Variants in MED13 observed in about 807,000 individuals in gnomAD.
MED13 encodes the protein mediator complex subunit 13.
MED13 carries 23 observed loss-of-function variants against 225.2 expected under a neutral mutation model. The observed-to-expected ratio is 0.10, with a 90% confidence interval of 0.07 to 0.14. MED13 has a LOEUF of 0.14. Among genes scored for constraint, MED13 ranks in the 10% least tolerant of loss-of-function variants. The probability of loss-of-function intolerance (pLI) is 1.00; values close to 1 mark genes in which losing one functional copy is unlikely to be tolerated. For missense variants in MED13, 2,197 were observed against 2,594.5 expected, an observed-to-expected ratio of 0.85 and a Z score of 3.33; for synonymous variants, 942 against 889.2, an observed-to-expected ratio of 1.06 and a Z score of -1.06.
chr17:61,943,310 A>G lies in MED13; in HGVS notation c.*3158T>C, dbSNP rs1367759506. 1.2e-4 allele frequency: 18 copies of G among 152,632 alleles called. No homozygotes were observed. The highest frequency in any genetic ancestry group is 1.2e-3 in the Admixed American group (18 of 15,282). The allele number at this position is 152,632 out of a possible 1,614,324, so 9.5% of individuals were successfully genotyped here. A position where few individuals can be genotyped will look rare whatever the true frequency, so the allele number is the denominator to read the frequency against. ...TGAATAGCAAATTATATGATGCAAT[A>G]GCATTTAAAAACTTTTTAATCTATT... On this transcript the variant is annotated 3_prime_UTR_variant, in exon 30 of 30. Coordinates refer to ENST00000397786, the MANE Select transcript of MED13 (RefSeq NM_005121.3).
At chr17:62,060,038 T>C (rs1379040368) in intron 2 of MED13, among the ~76,000 whole-genome samples, 1 of 152,176 alleles carries the variant, frequency 6.6e-6, no homozygotes, top group East Asian at 1.9e-4. Context: ...ACGCCTGTAA[T>C]CCTAGCACTT....
chr17:62,044,851 A>C (rs1025329848), intron 3 of MED13, among the ~76,000 whole-genome samples: 8 of 152,142 alleles, frequency 5.3e-5, no homozygotes, highest in African/African-American at 1.9e-4. Flanking sequence ...TAGTAGAGAC[A>C]GGGTTTCACC....
chr17:62,015,938 ATATATATATATATATATTTTTTTTTTT>A (rs1328843322), intron 8 of MED13, among the ~76,000 whole-genome samples: 4 of 9,012 alleles, frequency 4.4e-4, no homozygotes, highest in South Asian at 8.9e-3. Flanking sequence ...ATATATATAT[ATATATATATATATATATTTTTTTTTTT>A]TTTTTTTTTT....
Position 61,983,096 on chromosome 17 carries a change from A to T in MED13, c.2907T>A (p.Asp969Glu). The T allele has an allele frequency of 6.2e-7, 1 of 1,609,368 alleles. No homozygotes were observed. ...FIKEGDGSNM[D>E]QEYGTAYTPQ... is the part of the protein sequence containing the mutation. Reference sequence around the variant, plus strand: ...GTGTATAAGCAGTGCCATATTCTTGATCCATATTACTTCCATCACTATCAT... The same window carrying T: ...GTGTATAAGCAGTGCCATATTCTTGTTCCATATTACTTCCATCACTATCAT... The change falls in exon 16 of 30, where the codon GAT (aspartate) becomes GAA (glutamate). Residue 969 changes from aspartate (D) to glutamate (E), a missense_variant. Physicochemically the swap from Asp to Glu is conservative, Grantham distance 45. Coordinates refer to ENST00000397786, the MANE Select transcript of MED13 (RefSeq NM_005121.3).
At chr17:62,018,103 A>C (rs1331146237) in intron 8 of MED13, among the ~76,000 whole-genome samples, 1 of 152,206 alleles carries the variant, frequency 6.6e-6, no homozygotes, top group East Asian at 1.9e-4. Context: ...TACTGCTAAT[A>C]CAGTTGGTAC....
intron 8 of MED13, among the ~76,000 whole-genome samples, chr17:62,028,057 A>G (rs2080719541): frequency 1.3e-5 from 2 of 152,196 alleles, no homozygotes; most frequent in Admixed American, 6.5e-5. Flanking sequence ...CTGGTTATAT[A>G]CCCAGGGAAT....
intron 27 of MED13, among the ~76,000 whole-genome samples, chr17:61,952,304 G>A (rs1041837983): frequency 6.6e-6 from 1 of 152,160 alleles, no homozygotes; most frequent in African/African-American, 2.4e-5. Flanking sequence ...GATAAAAAGG[G>A]GGAGTAGATG....
At chr17:61,997,893 C>T (rs539204058) in intron 9 of MED13, among the ~76,000 whole-genome samples, 1 of 152,196 alleles carries the variant, frequency 6.6e-6, no homozygotes, top group African/African-American at 2.4e-5. Flanking sequence ...AAAAAACCAA[C>T]TCTACTGCAC....
chr17:62,040,659 C>G (rs2080845303), intron 3 of MED13, among the ~76,000 whole-genome samples: 1 of 152,068 alleles, frequency 6.6e-6, no homozygotes, highest in African/African-American at 2.4e-5. Context: ...AATCATAATA[C>G]TAGTAAAGAG....
chr17:61,996,154 A>G (rs1335033702), intron 9 of MED13, among the ~76,000 whole-genome samples: 1 of 152,216 alleles, frequency 6.6e-6, no homozygotes, highest in Non-Finnish European at 1.5e-5. Context: ...CTAAGGATAA[A>G]AGAGGGATGC....
rs1470142866 is a variant in MED13, at chr17:61,943,856, G to C, written c.*2612C>G. ...TCATGGATACCTGCACAAAAAAAAA[G>C]ATGTTAGCACTGTAACAAAGAAGTC... On this transcript the variant is annotated 3_prime_UTR_variant, in exon 30 of 30. Transcript: ENST00000397786. The C allele has an allele frequency of 6.6e-6, 1 of 152,498 alleles. No homozygotes were observed. Among genetic ancestry groups the C allele is most frequent in the East Asian group, 1.9e-4 (1 of 5,196 alleles). 9.4% of individuals were successfully genotyped at this position (152,498 alleles called of 1,614,324 possible).
chr17:62,024,707 C>G (rs2080683643), intron 8 of MED13, among the ~76,000 whole-genome samples: 1 of 152,168 alleles, frequency 6.6e-6, no homozygotes, highest in Admixed American at 6.5e-5. Context: ...CTCCACTGGA[C>G]CCAGTGTCTG....
intron 16 of MED13, among the ~76,000 whole-genome samples, chr17:61,979,260 G>A (rs142720262): frequency 5.3e-5 from 8 of 152,164 alleles, no homozygotes; most frequent in Non-Finnish European, 1.0e-4. Flanking sequence ...ATTTTCAGAA[G>A]CCATATAACA....
At position 61,995,111 on chromosome 17, in the gene MED13, A is replaced by G. The variant is rs778273395; in HGVS notation, c.2181+41T>C. 2.1e-6 allele frequency: 3 copies of G among 1,407,452 alleles called. No individual in the cohort carries two copies. In the East Asian group the frequency reaches 6.8e-5, roughly 32 times the overall value. The allele number at this position is 1,407,452 out of a possible 1,614,324, so 87.2% of individuals were successfully genotyped here. On this transcript the variant is annotated intron_variant, in intron 10 of 29. Coordinates refer to ENST00000397786, the MANE Select transcript of MED13 (RefSeq NM_005121.3). ...GAGTGTTACTATATGCAGTGCTACA[A>G]AATCAACAGTGACCCTTTGGTGTAC...
chr17:61,945,439 T>G lies in MED13; in HGVS notation c.*1029A>C, dbSNP rs555909912. The G allele has an allele frequency of 2.6e-5, 4 of 152,668 alleles. No homozygotes were observed. The highest frequency in any genetic ancestry group is 5.9e-5 in the Non-Finnish European group (4 of 68,054). 9.5% of individuals were successfully genotyped at this position (152,668 alleles called of 1,614,324 possible). On this transcript the variant is annotated 3_prime_UTR_variant, in exon 30 of 30. Coordinates refer to ENST00000397786, the MANE Select transcript of MED13 (RefSeq NM_005121.3). The stretch of plus-strand genomic sequence containing the variant: ...GCCACTGTTAAAACTGAAAAAAATT[T>G]AAGCATGTAACATTAAACACTAAAA...
At chr17:62,003,599 C>CAAAAAAAAAAAAAAACAAAAAA (rs2080417386) in intron 9 of MED13, 1 of 51,744 alleles carries the variant, frequency 1.9e-5, no homozygotes, top group East Asian at 8.4e-4. Context: ...CAGCAAAACT[C>CAAAAAAAAAAAAAAACAAAAAA]AAAAAAAAAA....
intron 10 of MED13, among the ~76,000 whole-genome samples, chr17:61,994,143 C>T (rs879941659): frequency 1.3e-5 from 2 of 151,824 alleles, no homozygotes; most frequent in East Asian, 1.9e-4. Context: ...GGACTACAGG[C>T]GCCCGCCATC....
In MED13 at chr17:61,968,313, T is replaced by TTTTA. The variant is rs56707514; in HGVS notation, c.3968-59_3968-56dup. The TTTTA allele has an allele frequency of 7.1e-4, 825 of 1,165,330 alleles. 3 individuals are homozygous for TTTTA. Among genetic ancestry groups the TTTTA allele is most frequent in the African/African-American group, 5.3e-3 (339 of 63,380 alleles). The allele number at this position is 1,165,330 out of a possible 1,614,324, so 72.2% of individuals were successfully genotyped here. A position where few individuals can be genotyped will look rare whatever the true frequency, so the allele number is the denominator to read the frequency against. On this transcript the variant is annotated intron_variant, in intron 17 of 29. Transcript: ENST00000397786. ...CACTTAAAAACAAGACATGTCTCCTTTTTATTTATTTATTTATTTATTTAT... is the reference window on the plus strand; with the variant it reads ...CACTTAAAAACAAGACATGTCTCCTTTTTATTTATTTATTTATTTATTTATTTAT...
At chr17:62,020,295 A>G (rs1440744536) in intron 8 of MED13, among the ~76,000 whole-genome samples, 1 of 152,136 alleles carries the variant, frequency 6.6e-6, no homozygotes, top group African/African-American at 2.4e-5. Flanking sequence ...TAAATAGTGC[A>G]CATTTAAGTG....
Sources: gnomAD v4.1 joint callset for allele counts (sites outside exome capture counted in the v4.1 genomes callset) on GRCh38, gnomAD v4.1.1 for gene constraint, MANE v1.5 for transcripts, NCBI Gene and HGNC (gene_info 2026-07-23, HGNC 2026-07-21) for gene names.